Variants in HCK observed in about 807,000 individuals in gnomAD.
The protein encoded by HCK is tyrosine-protein kinase HCK.
In HCK, 40 loss-of-function variants were observed where a neutral mutation model predicts 70.4. That is an observed-to-expected ratio of 0.57 (90% CI 0.44 to 0.74). HCK has a LOEUF of 0.74. Among genes scored for constraint, HCK ranks in the 30% least tolerant of loss-of-function variants. The pLI is 0.00. For missense variants in HCK, 568 were observed against 697.2 expected (o/e 0.81, Z 2.09); for synonymous variants, 245 against 263.2 (o/e 0.93, Z 0.67).
intron 6 of HCK, among the ~76,000 whole-genome samples, chr20:32,083,376 C>T (rs1441306507): frequency 6.6e-6 from 1 of 152,216 alleles, no homozygotes; most frequent in Non-Finnish European, 1.5e-5. Context: ...AGCATGTTCA[C>T]ATTTCAATAA....
chr20:32,058,637 C>CACAT (rs752366272), intron 1 of HCK, among the ~76,000 whole-genome samples: 2 of 151,070 alleles, frequency 1.3e-5, no homozygotes, highest in African/African-American at 2.4e-5. Context: ...CACACACACA[C>CACAT]ACATACACAC....
intron 1 of HCK, among the ~76,000 whole-genome samples, chr20:32,058,531 A>AAG (rs2045309742): frequency 2.2e-4 from 1 of 4,576 alleles, no homozygotes; most frequent in Non-Finnish European, 3.5e-3. Context: ...AGACTCTGTC[A>AAG]AAAAAAAAAA....
chr20:32,095,369 C>T (rs1248311642), intron 11 of HCK, among the ~76,000 whole-genome samples: 1 of 152,124 alleles, frequency 6.6e-6, no homozygotes, highest in Non-Finnish European at 1.5e-5. Flanking sequence ...GATTCTTGTG[C>T]CTCAGCCTTC....
intron 10 of HCK, among the ~76,000 whole-genome samples, chr20:32,092,670 T>G (rs2045880273): frequency 6.6e-6 from 1 of 152,010 alleles, no homozygotes; most frequent in African/African-American, 2.4e-5. Context: ...CAGTTCATGA[T>G]TGGCGGCCTC....
rs182734932 is a variant in HCK at position 32,071,569 on chromosome 20, C to T, written c.63-93C>T. On this transcript the variant is annotated intron_variant, in intron 1 of 12. Transcript: ENST00000375852. ...ACCGGGAAGGCCAGTGGGAGCCAGCCCGGGGGCAGGGGACCTGGAATGCCA... is the reference window on the plus strand; with the variant it reads ...ACCGGGAAGGCCAGTGGGAGCCAGCTCGGGGGCAGGGGACCTGGAATGCCA... 38 of 1,532,882 alleles carry T rather than the reference C, an allele frequency of 2.5e-5. No individual in the cohort carries two copies. The Admixed American group carries it at 6.2e-4, about 25-fold the overall frequency. The allele number at this position is 1,532,882 out of a possible 1,614,324, so 95.0% of individuals were successfully genotyped here.
intron 1 of HCK, among the ~76,000 whole-genome samples, chr20:32,062,684 T>C (rs1367786683): frequency 6.6e-6 from 1 of 152,036 alleles, no homozygotes; most frequent in Non-Finnish European, 1.5e-5. Flanking sequence ...TTGAGCTCTA[T>C]GAGAAAGAAG....
intron 5 of HCK, among the ~76,000 whole-genome samples, chr20:32,078,882 G>A (rs35088805): frequency 1.2e-4 from 12 of 99,022 alleles, no homozygotes; most frequent in Non-Finnish European, 2.4e-4. Flanking sequence ...AAAAAAAAGG[G>A]GGGGAATGAT....
chr20:32,068,719 G>C (rs1010275268), intron 1 of HCK, among the ~76,000 whole-genome samples: 4 of 152,122 alleles, frequency 2.6e-5, no homozygotes, highest in African/African-American at 7.2e-5. Flanking sequence ...AGGAGTTCAA[G>C]ACCAGCCTGA....
At chr20:32,092,422 G>A (rs926687) in intron 10 of HCK, among the ~76,000 whole-genome samples, 4 of 152,002 alleles carry the variant, frequency 2.6e-5, no homozygotes, top group East Asian at 3.9e-4. Context: ...ATCTTCAACC[G>A]CTTTTGTCCA....
At chr20:32,070,402 C>A (rs2045519531) in intron 1 of HCK, among the ~76,000 whole-genome samples, 2 of 152,210 alleles carry the variant, frequency 1.3e-5, no homozygotes. Flanking sequence ...CTCTTCCCTG[C>A]CCATGAGCTT....
At chr20:32,071,851 C>G in intron 2 of HCK, 69 bp downstream of exon 2, 8 of 1,563,964 alleles carry the variant, frequency 5.1e-6, no homozygotes, top group Non-Finnish European at 6.9e-6. Flanking sequence ...CTAACAGCCT[C>G]CTGTCTTCCC....
At chr20:32,059,509 CTCTTT>C (rs1460576181) in intron 1 of HCK, among the ~76,000 whole-genome samples, 15 of 34,778 alleles carry the variant, frequency 4.3e-4, no homozygotes, top group Admixed American at 2.1e-3. Context: ...CTCTCTCTCT[CTCTTT>C]TTTTTTTCTT....
At chr20:32,094,696 AAAGAAAAG>A (rs1421422321) in intron 11 of HCK, among the ~76,000 whole-genome samples, 8 of 119,864 alleles carry the variant, frequency 6.7e-5, no homozygotes, top group African/African-American at 2.9e-4. Context: ...AAAGAAAAGA[AAAGAAAAG>A]AAAAGAAAGA....
intron 1 of HCK, among the ~76,000 whole-genome samples, chr20:32,066,729 TTG>T (rs2045465380): frequency 6.6e-6 from 1 of 152,190 alleles, no homozygotes; most frequent in African/African-American, 2.4e-5. Context: ...TATGGTGATG[TTG>T]TACAAGTTTC....
chr20:32,094,880 A>G (rs889222195), intron 11 of HCK, among the ~76,000 whole-genome samples: 3 of 152,184 alleles, frequency 2.0e-5, no homozygotes, highest in Non-Finnish European at 4.4e-5. Context: ...AGCCAATGCT[A>G]AATGCACCAA....
At chr20:32,057,967 A>G (rs2045298354) in intron 1 of HCK, among the ~76,000 whole-genome samples, 1 of 152,110 alleles carries the variant, frequency 6.6e-6, no homozygotes, top group Non-Finnish European at 1.5e-5. Context: ...CATCCTCTGG[A>G]TGGCACTGCG....
intron 1 of HCK, among the ~76,000 whole-genome samples, chr20:32,067,528 T>A (rs2045475960): frequency 7.2e-6 from 1 of 139,852 alleles, no homozygotes; most frequent in Admixed American, 8.5e-5. Flanking sequence ...CCTGATGCTT[T>A]TACTTTTTTT....
At chr20:32,078,856 C>CAAAAAAAA (rs368194350) in intron 5 of HCK, among the ~76,000 whole-genome samples, 2 of 36,216 alleles carry the variant, frequency 5.5e-5, no homozygotes, top group African/African-American at 1.5e-4. Flanking sequence ...GACTCAGTCT[C>CAAAAAAAA]AAAAAAAAAA....
rs376493351 is a variant in HCK at position 32,084,557 on chromosome 20, G to C, written c.835+14G>C. On this transcript the variant is annotated intron_variant, in intron 8 of 12. Transcript: ENST00000375852. ...AAGTCTGGATGGGTAAGGACCCAGG[G>C]CCACAGCCCACAGGGCCAGAGGGTG... The C allele has an allele frequency of 3.7e-6, 6 of 1,609,550 alleles. No homozygotes were observed. The African/African-American group carries it at 8.0e-5, about 21-fold the overall frequency.
Sources: allele counts gnomAD v4.1 joint callset (sites outside exome capture counted in the v4.1 genomes callset), GRCh38; gene constraint gnomAD v4.1.1; transcripts MANE v1.5; gene names NCBI Gene and HGNC (gene_info 2026-07-23, HGNC 2026-07-21).